PARD3B: variants seen among roughly 807,000 people sequenced by gnomAD.
The protein encoded by PARD3B is partitioning defective 3 homolog B.
PARD3B carries 103 observed loss-of-function variants against 130.2 expected under a neutral mutation model. The ratio of observed to expected loss-of-function variants is 0.79; its 90% confidence interval spans 0.67 to 0.93. PARD3B has a LOEUF of 0.93. Among genes scored for constraint, PARD3B ranks in the 40% least tolerant of loss-of-function variants. The pLI is 0.00. For synonymous variants in PARD3B, 583 were observed against 553.2 expected (o/e 1.05, Z -0.76); for missense variants, 1,609 against 1,499.2 (o/e 1.07, Z -1.21).
At chr2:204,654,449 G>A (rs2035581049) in intron 1 of PARD3B, among the ~76,000 whole-genome samples, 1 of 145,384 alleles carries the variant, frequency 6.9e-6, no homozygotes, top group Admixed American at 6.7e-5. Flanking sequence ...CTGTTACCTG[G>A]TAATGAAGAA....
intron 11 of PARD3B, among the ~76,000 whole-genome samples, chr2:205,164,435 T>C (rs2034683397): frequency 6.6e-6 from 1 of 152,174 alleles, no homozygotes; most frequent in Non-Finnish European, 1.5e-5. Flanking sequence ...CACTGTGCTC[T>C]AGGCCTGGGC....
intron 2 of PARD3B, among the ~76,000 whole-genome samples, chr2:204,762,727 C>T (rs2040957502): frequency 6.7e-6 from 1 of 148,286 alleles, no homozygotes; most frequent in Admixed American, 6.9e-5. Context: ...ACTTAACTGC[C>T]AGCTGTTCAT....
At chr2:204,827,988 T>C (rs1378082065) in intron 2 of PARD3B, among the ~76,000 whole-genome samples, 3 of 152,208 alleles carry the variant, frequency 2.0e-5, no homozygotes, top group Admixed American at 6.5e-5. Context: ...TGGGCGGTTG[T>C]AACTCAAAGA....
intron 1 of PARD3B, among the ~76,000 whole-genome samples, chr2:204,549,352 T>G (rs972660173): frequency 6.6e-6 from 1 of 152,184 alleles, no homozygotes; most frequent in Non-Finnish European, 1.5e-5. Flanking sequence ...AGTGGAGAAG[T>G]GATTGTCTTC....
intron 1 of PARD3B, among the ~76,000 whole-genome samples, chr2:204,575,599 A>G (rs2032216233): frequency 6.6e-6 from 1 of 152,174 alleles, no homozygotes; most frequent in African/African-American, 2.4e-5. Flanking sequence ...ATGATGTGGT[A>G]CTTGCGTGTG....
At chr2:204,599,487 A>G (rs1419029290) in intron 1 of PARD3B, among the ~76,000 whole-genome samples, 3 of 151,806 alleles carry the variant, frequency 2.0e-5, no homozygotes, top group Non-Finnish European at 4.4e-5. Context: ...GTATCCTCCA[A>G]TTCAATCTCT....
intron 3 of PARD3B, among the ~76,000 whole-genome samples, chr2:204,969,388 A>C (rs236838): frequency 0.67 from 101,652 of 152,022 alleles, 35,397 homozygotes; most frequent in African/African-American, 0.85. Flanking sequence ...AGAAAGGGTG[A>C]AGAAGTCTAG....
At chr2:205,486,817 A>G (rs1312317936) in intron 20 of PARD3B, among the ~76,000 whole-genome samples, 1 of 152,146 alleles carries the variant, frequency 6.6e-6, no homozygotes, top group African/African-American at 2.4e-5. Flanking sequence ...ACGATTCAAC[A>G]TGAGATTTGA....
At chr2:205,074,356 T>G (rs527770963) in intron 4 of PARD3B, among the ~76,000 whole-genome samples, 1 of 152,318 alleles carries the variant, frequency 6.6e-6, no homozygotes, top group South Asian at 2.1e-4. Context: ...TTTCCACTCA[T>G]TTGAACTTTT....
intron 2 of PARD3B, among the ~76,000 whole-genome samples, chr2:204,761,418 T>C (rs560394010): frequency 6.6e-6 from 1 of 152,272 alleles, no homozygotes; most frequent in African/African-American, 2.4e-5. Context: ...GAGGCAGATA[T>C]TAATAATGTC....
intron 19 of PARD3B, among the ~76,000 whole-genome samples, chr2:205,411,152 A>G (rs1459800622): frequency 6.6e-6 from 1 of 152,144 alleles, no homozygotes; most frequent in Non-Finnish European, 1.5e-5. Flanking sequence ...TCAGCGTCCT[A>G]TACTGCATAG....
At position 205,146,936 on chromosome 2, in the gene PARD3B, G is replaced by A. The variant is rs2033409068; in HGVS notation, c.1435-11786G>A. 6.6e-6 allele frequency among the ~76,000 whole-genome samples: 1 copy of A among 151,846 alleles called. No individual in the cohort carries two copies. On this transcript the variant is annotated intron_variant, in intron 10 of 22. Coordinates refer to ENST00000406610, the MANE Select transcript of PARD3B (RefSeq NM_001302769.2). The surrounding 1 kb of genome is among the most constrained non-coding windows in gnomAD (Gnocchi z 4.3). ...TTGCCATGTTGGCCAGGCTGGTCTCGAACTCCTGACCTCAAGTGTTCTGCC... is the reference window on the plus strand; with the variant it reads ...TTGCCATGTTGGCCAGGCTGGTCTCAAACTCCTGACCTCAAGTGTTCTGCC...
rs576435210 is a variant in PARD3B at position 205,183,020 on chromosome 2, C to T, written c.1925-2744C>T. Among the ~76,000 whole-genome samples, 2 of 152,238 alleles carry T rather than the reference C, an allele frequency of 1.3e-5. No homozygotes were observed. Among genetic ancestry groups the T allele is most frequent in the East Asian group, 1.9e-4 (1 of 5,182 alleles). On this transcript the variant is annotated intron_variant, in intron 13 of 22. Coordinates refer to ENST00000406610, the MANE Select transcript of PARD3B (RefSeq NM_001302769.2). This position sits in a 1 kb window ranked among gnomAD's most constrained non-coding sequence, Gnocchi z 5.2. ...TATGCCCAGGAAGAGAGGAAGAGCA[C>T]GGATAGAGTGGGCACTGGTCTTCTT...
At chr2:204,989,637 C>A (rs1693475500) in intron 3 of PARD3B, among the ~76,000 whole-genome samples, 1 of 151,962 alleles carries the variant, frequency 6.6e-6, no homozygotes, top group African/African-American at 2.4e-5. Flanking sequence ...TATAATTTTA[C>A]CATGAATTTT....
chr2:205,285,584 C>A (rs1559622229), intron 16 of PARD3B, among the ~76,000 whole-genome samples: 1 of 152,164 alleles, frequency 6.6e-6, no homozygotes, highest in Non-Finnish European at 1.5e-5. Context: ...TACTCCCAGG[C>A]CCCATGAGCA....
chr2:205,483,578 T>C (rs1300282853), intron 20 of PARD3B, among the ~76,000 whole-genome samples: 2 of 152,184 alleles, frequency 1.3e-5, no homozygotes, highest in African/African-American at 4.8e-5. Context: ...GCTCTTTTTC[T>C]TTCCTCGCTC....
intron 2 of PARD3B, among the ~76,000 whole-genome samples, chr2:204,813,235 A>T (rs2043026848): frequency 6.6e-6 from 1 of 152,090 alleles, no homozygotes. Context: ...TTTTAATTTT[A>T]GTCATTTTAA....
chr2:205,211,472 C>CT (rs1304751986), intron 15 of PARD3B, among the ~76,000 whole-genome samples: 5 of 152,046 alleles, frequency 3.3e-5, no homozygotes, highest in Admixed American at 3.3e-4. Context: ...TGTAGCTTAC[C>CT]TTTCTTTAGT....
At chr2:205,417,912 A>G (rs1014144642) in intron 19 of PARD3B, among the ~76,000 whole-genome samples, 1 of 152,212 alleles carries the variant, frequency 6.6e-6, no homozygotes, top group Non-Finnish European at 1.5e-5. Context: ...TTGAAAATCT[A>G]ACAAGCATGT....
Sources: gnomAD v4.1 joint callset for allele counts (sites outside exome capture counted in the v4.1 genomes callset) on GRCh38, gnomAD v4.1.1 for gene constraint, Gnocchi (gnomAD v3.1) non-coding constraint, MANE v1.5 for transcripts, NCBI Gene and HGNC (gene_info 2026-07-23, HGNC 2026-07-21) for gene names.